Variants in FTCDNL1 observed in about 807,000 individuals in gnomAD.
FTCDNL1 encodes the protein formiminotransferase N-terminal subdomain-containing protein.
Under a neutral mutation model 5.9 loss-of-function variants are expected in FTCDNL1, and 11 were observed. The ratio of observed to expected loss-of-function variants is 1.87; its 90% confidence interval spans 1.18 to 3.10. The LOEUF (loss-of-function observed/expected upper bound fraction) is 3.10, where lower values mean the gene tolerates loss of function less well. Ranked by LOEUF, FTCDNL1 falls within the 30% of genes most tolerant of loss-of-function variation. The pLI is 0.00. For missense variants in FTCDNL1, 115 were observed against 65.5 expected (o/e 1.76, Z -2.61); for synonymous variants, 58 against 24.8 (o/e 2.34, Z -3.99).
At chr2:199,773,263 CG>C (rs1286257758) in intron 3 of FTCDNL1, among the ~76,000 whole-genome samples, 1 of 152,156 alleles carries the variant, frequency 6.6e-6, no homozygotes, top group African/African-American at 2.4e-5. Context: ...CCCAACTATA[CG>C]TATATGCATA....
At chr2:199,756,818 C>T (rs1698089138), downstream of FTCDNL1, among the ~76,000 whole-genome samples, 1 of 152,202 alleles carries the variant, frequency 6.6e-6, no homozygotes, top group Admixed American at 6.5e-5. Context: ...TGTTCCATGT[C>T]CTCTTCATTC....
intron 3 of FTCDNL1, among the ~76,000 whole-genome samples, chr2:199,841,931 C>T (rs989652616): frequency 2.0e-5 from 3 of 152,140 alleles, no homozygotes; most frequent in Non-Finnish European, 4.4e-5. Context: ...CTGCCTTTAG[C>T]ACAAGATTTG....
the FTCDNL1 span, among the ~76,000 whole-genome samples, chr2:199,730,042 A>ACAC: frequency 1.2e-4 from 18 of 152,280 alleles, no homozygotes. Flanking sequence ...CTCAGAAATA[A>ACAC]CACCACACAT....
chr2:199,801,937 C>CAAA (rs543444146), intron 3 of FTCDNL1, among the ~76,000 whole-genome samples: 4 of 112,056 alleles, frequency 3.6e-5, no homozygotes, highest in African/African-American at 1.3e-4. Flanking sequence ...GACTCCATCT[C>CAAA]AAAAAAAAAA....
the FTCDNL1 span, among the ~76,000 whole-genome samples, chr2:199,728,674 G>A: frequency 1.8e-4 from 28 of 152,178 alleles, no homozygotes; most frequent in Non-Finnish European, 3.5e-4. Flanking sequence ...AAGGAAGAGT[G>A]GGTATTATAG....
At chr2:199,753,745 A>G in the FTCDNL1 span, among the ~76,000 whole-genome samples, 1 of 152,192 alleles carries the variant, frequency 6.6e-6, no homozygotes, top group South Asian at 2.1e-4. Flanking sequence ...GTTAAAATAC[A>G]TAACTAAAAA....
chr2:199,805,827 G>A (rs1243862112), downstream of FTCDNL1, among the ~76,000 whole-genome samples: 10 of 151,918 alleles, frequency 6.6e-5, no homozygotes. Flanking sequence ...GCTGAGGTGG[G>A]AGGATCACTT....
At chr2:199,827,234 C>A (rs1464756503) in intron 3 of FTCDNL1, among the ~76,000 whole-genome samples, 2 of 152,172 alleles carry the variant, frequency 1.3e-5, no homozygotes, top group Non-Finnish European at 2.9e-5. Flanking sequence ...TTAAATGACA[C>A]CATAAGGAAG....
At chr2:199,773,881 A>G (rs1380234858) in intron 3 of FTCDNL1, among the ~76,000 whole-genome samples, 1 of 152,132 alleles carries the variant, frequency 6.6e-6, no homozygotes, top group African/African-American at 2.4e-5. Context: ...TCCCTGTTGT[A>G]GTGAGGGAGC....
At chr2:199,671,400 G>A in the FTCDNL1 span, among the ~76,000 whole-genome samples, 4 of 151,840 alleles carry the variant, frequency 2.6e-5, no homozygotes, top group African/African-American at 9.7e-5. Flanking sequence ...CAGGTTGGGA[G>A]AAGGGCATTC....
intron 3 of FTCDNL1, among the ~76,000 whole-genome samples, chr2:199,784,186 T>C (rs1421340109): frequency 6.6e-6 from 1 of 152,164 alleles, no homozygotes; most frequent in Non-Finnish European, 1.5e-5. Flanking sequence ...GACTTCTTGG[T>C]GATTATCCCC....
chr2:199,761,613 C>T (rs1029415195), intron 3 of FTCDNL1, among the ~76,000 whole-genome samples: 2 of 152,104 alleles, frequency 1.3e-5, no homozygotes. Flanking sequence ...ATGAGCCTAA[C>T]CCAGGAGCCT....
chr2:199,750,775 A>C, the FTCDNL1 span, among the ~76,000 whole-genome samples: 2 of 152,208 alleles, frequency 1.3e-5, no homozygotes, highest in African/African-American at 2.4e-5. Context: ...TTTTGAATGA[A>C]AGTAGCTACC....
the FTCDNL1 span, among the ~76,000 whole-genome samples, chr2:199,693,286 A>G: frequency 2.0e-4 from 30 of 152,348 alleles, no homozygotes; most frequent in Non-Finnish European, 3.2e-4. Context: ...ACACTGTTAT[A>G]TGCATATTAA....
the FTCDNL1 span, among the ~76,000 whole-genome samples, chr2:199,752,578 G>C: frequency 6.6e-6 from 1 of 152,162 alleles, no homozygotes; most frequent in Non-Finnish European, 1.5e-5. Context: ...TTGGCCAGCA[G>C]ATGGCCTTGG....
chr2:199,750,962 C>T, the FTCDNL1 span, among the ~76,000 whole-genome samples: 1 of 152,104 alleles, frequency 6.6e-6, no homozygotes, highest in Admixed American at 6.5e-5. Context: ...TTCATAAGAG[C>T]GGGGGCTTTG....
intron 3 of FTCDNL1, among the ~76,000 whole-genome samples, chr2:199,836,080 C>T (rs1319133199): frequency 1.3e-5 from 2 of 152,202 alleles, no homozygotes; most frequent in African/African-American, 4.8e-5. Context: ...TATAGTCAGG[C>T]AGCATGGATT....
At chr2:199,770,005 A>G (rs1698733608) in intron 3 of FTCDNL1, among the ~76,000 whole-genome samples, 1 of 151,638 alleles carries the variant, frequency 6.6e-6, no homozygotes, top group East Asian at 1.9e-4. Flanking sequence ...TCTCATCCTC[A>G]TGCTTGTGCA....
At chr2:199,718,167 A>G in the FTCDNL1 span, among the ~76,000 whole-genome samples, 3 of 152,016 alleles carry the variant, frequency 2.0e-5, no homozygotes, top group Non-Finnish European at 4.4e-5. Flanking sequence ...CCATTGCCCA[A>G]ATAGTGTACA....
Sources: allele counts gnomAD v4.1 joint callset (sites outside exome capture counted in the v4.1 genomes callset), GRCh38; gene constraint gnomAD v4.1.1; transcripts MANE v1.5; gene names NCBI Gene and HGNC (gene_info 2026-07-23, HGNC 2026-07-21).